DLGAP2: variants seen among roughly 807,000 people sequenced by gnomAD.
The protein encoded by DLGAP2 is disks large-associated protein 2.
A neutral mutation model predicts 100.3 loss-of-function variants in DLGAP2; 26 were observed. That is an observed-to-expected ratio of 0.26 (90% confidence interval 0.19 to 0.36). The LOEUF is 0.36. Among genes scored for constraint, DLGAP2 ranks in the 10% least tolerant of loss-of-function variants. DLGAP2 has a pLI of 1.00. For synonymous variants in DLGAP2, 886 were observed against 630.1 expected (o/e 1.41, Z -6.08); for missense variants, 1,858 against 1,453.2 (o/e 1.28, Z -4.53).
chr8:1,317,075 C>G (rs1800772190), intron 3 of DLGAP2, among the ~76,000 whole-genome samples: 2 of 131,272 alleles, frequency 1.5e-5, no homozygotes, highest in Non-Finnish European at 3.2e-5. Context: ...GTGGTCTACA[C>G]TCGAGACACT....
At chr8:1,201,241 G>A (rs935757113) in intron 2 of DLGAP2, among the ~76,000 whole-genome samples, 8 of 152,330 alleles carry the variant, frequency 5.3e-5, no homozygotes, top group Non-Finnish European at 8.8e-5. Flanking sequence ...GCACGCGTGT[G>A]ATTGTGGAGG....
intron 2 of DLGAP2, among the ~76,000 whole-genome samples, chr8:988,038 C>G (rs1800537734): frequency 6.6e-6 from 1 of 152,184 alleles, no homozygotes; most frequent in African/African-American, 2.4e-5. Flanking sequence ...CCATGTGCAC[C>G]TGACTGGGGA....
chr8:1,305,617 C>T (rs553219093), intron 3 of DLGAP2, among the ~76,000 whole-genome samples: 35 of 152,150 alleles, frequency 2.3e-4, no homozygotes, highest in South Asian at 2.1e-4. Flanking sequence ...TGCAGTCCTC[C>T]GGCAACCTGC....
At chr8:1,663,952 A>C (rs1266927673) in intron 8 of DLGAP2, among the ~76,000 whole-genome samples, 2 of 152,242 alleles carry the variant, frequency 1.3e-5, no homozygotes, top group African/African-American at 4.8e-5. Flanking sequence ...TAATGTGACC[A>C]GTCGGTTCAG....
chr8:829,865 C>CCTA (rs1228711652), intron 1 of DLGAP2, among the ~76,000 whole-genome samples: 1 of 152,116 alleles, frequency 6.6e-6, no homozygotes, highest in Admixed American at 6.5e-5. Flanking sequence ...AAAATGTGTT[C>CCTA]ATAGCCATGA....
chr8:1,194,215 G>A (rs1025033313), intron 2 of DLGAP2, among the ~76,000 whole-genome samples: 1 of 152,088 alleles, frequency 6.6e-6, no homozygotes, highest in Non-Finnish European at 1.5e-5. Context: ...CTTGTTCTCA[G>A]CCCGACTCAG....
chr8:1,110,897 C>T (rs1585070021), intron 2 of DLGAP2, among the ~76,000 whole-genome samples: 1 of 152,012 alleles, frequency 6.6e-6, no homozygotes, highest in African/African-American at 2.4e-5. Flanking sequence ...TGGGGCCCTT[C>T]CCTGTGGATG....
chr8:1,287,657 T>TG (rs1799969608), intron 3 of DLGAP2, among the ~76,000 whole-genome samples: 1 of 129,312 alleles, frequency 7.7e-6, no homozygotes, highest in Non-Finnish European at 1.6e-5. Flanking sequence ...TGTGTGTGTG[T>TG]GTATGGTTCT....
At chr8:896,700 C>T (rs1370077396) in intron 1 of DLGAP2, among the ~76,000 whole-genome samples, 1 of 152,042 alleles carries the variant, frequency 6.6e-6, no homozygotes, top group African/African-American at 2.4e-5. Context: ...CAGGAAGGCA[C>T]CATCTGAGCC....
At chr8:1,470,026 G>A (rs1201558838) in intron 3 of DLGAP2, among the ~76,000 whole-genome samples, 1 of 151,798 alleles carries the variant, frequency 6.6e-6, no homozygotes, top group African/African-American at 2.4e-5. Flanking sequence ...GCCAAGCCTG[G>A]TGGTGTGTGC....
At chr8:1,068,264 C>T (rs1000224358) in intron 2 of DLGAP2, among the ~76,000 whole-genome samples, 1 of 152,216 alleles carries the variant, frequency 6.6e-6, no homozygotes, top group African/African-American at 2.4e-5. Context: ...CCATAAACAT[C>T]TGTGTGCAGG....
chr8:1,417,726 G>GGGGGGCACGGGGAGGCCTC (rs1796967566), intron 3 of DLGAP2, among the ~76,000 whole-genome samples: 11 of 142,558 alleles, frequency 7.7e-5, no homozygotes, highest in South Asian at 2.3e-4. Flanking sequence ...CGAGGCTCCA[G>GGGGGGCACGGGGAGGCCTC]ACACAGAAGC....
intron 1 of DLGAP2, among the ~76,000 whole-genome samples, chr8:744,268 TCTGA>T (rs748447691): frequency 1.3e-5 from 2 of 152,132 alleles, no homozygotes; most frequent in Non-Finnish European, 2.9e-5. Flanking sequence ...TTCTCTGTGC[TCTGA>T]CTGTTAGGGT....
chr8:1,506,538 G>C (rs1032518386), intron 4 of DLGAP2, among the ~76,000 whole-genome samples: 1 of 152,196 alleles, frequency 6.6e-6, no homozygotes, highest in South Asian at 2.1e-4. Flanking sequence ...CCCAAAGAGT[G>C]AGCAACAGCA....
chr8:1,213,676 T>C (rs1362916789), intron 2 of DLGAP2, among the ~76,000 whole-genome samples: 1 of 152,112 alleles, frequency 6.6e-6, no homozygotes, highest in African/African-American at 2.4e-5. Flanking sequence ...GGTTAAATGG[T>C]GCAGGAATCA....
At chr8:1,492,875 G>A (rs1563181046) in intron 3 of DLGAP2, among the ~76,000 whole-genome samples, 1 of 152,302 alleles carries the variant, frequency 6.6e-6, no homozygotes, top group East Asian at 1.9e-4. Context: ...AGAACTGAAA[G>A]ACAGGCACCT....
intron 3 of DLGAP2, among the ~76,000 whole-genome samples, chr8:1,261,904 G>A (rs1051852669): frequency 3.9e-5 from 6 of 152,212 alleles, no homozygotes; most frequent in Non-Finnish European, 7.3e-5. Context: ...GAAATGACCA[G>A]CCAGAGGCTG....
At chr8:1,062,427 C>G (rs1024614554) in intron 2 of DLGAP2, among the ~76,000 whole-genome samples, 1 of 151,778 alleles carries the variant, frequency 6.6e-6, no homozygotes, top group African/African-American at 2.4e-5. Flanking sequence ...CCCCGTCCAC[C>G]CAGACGCCTC....
At chr8:1,087,319 T>G (rs569106070) in intron 2 of DLGAP2, among the ~76,000 whole-genome samples, 27 of 152,324 alleles carry the variant, frequency 1.8e-4, no homozygotes, top group South Asian at 6.2e-4. Flanking sequence ...CCAGACTCTT[T>G]CCCTTCATCC....
Sources: gnomAD v4.1 joint callset for allele counts (sites outside exome capture counted in the v4.1 genomes callset) on GRCh38, gnomAD v4.1.1 for gene constraint, MANE v1.5 for transcripts, NCBI Gene and HGNC (gene_info 2026-07-23, HGNC 2026-07-21) for gene names.